DNAJC1: variants seen among roughly 807,000 people sequenced by gnomAD.
DNAJC1 encodes the protein DnaJ heat shock protein family (Hsp40) member C1.
Under a neutral mutation model 76.6 loss-of-function variants are expected in DNAJC1, and 58 were observed. That is an observed-to-expected ratio of 0.76 (90% CI 0.61 to 0.94). DNAJC1 has a LOEUF of 0.94. DNAJC1 is among the 40% of genes least tolerant of loss of function. The pLI, the probability that DNAJC1 is intolerant of heterozygous loss-of-function variation, is 0.00. For synonymous variants in DNAJC1, 258 were observed against 267.9 expected (o/e 0.96, Z 0.36); for missense variants, 689 against 677.3 (o/e 1.02, Z -0.19).
chr10:21,999,013 G>A (rs963870338), intron 1 of DNAJC1, among the ~76,000 whole-genome samples: 30 of 152,338 alleles, frequency 2.0e-4, no homozygotes, highest in Non-Finnish European at 3.5e-4. Flanking sequence ...CTGTTATTCA[G>A]ATTATAGAGC....
intron 8 of DNAJC1, among the ~76,000 whole-genome samples, chr10:21,830,655 A>T (rs1564800523): frequency 6.6e-6 from 1 of 152,194 alleles, no homozygotes; most frequent in Non-Finnish European, 1.5e-5. Context: ...CTGTCTTTTT[A>T]AAAAATTATA....
intron 8 of DNAJC1, among the ~76,000 whole-genome samples, chr10:21,827,453 T>C (rs925364231): frequency 6.6e-6 from 1 of 152,166 alleles, no homozygotes; most frequent in Non-Finnish European, 1.5e-5. Context: ...TAACAGAAAT[T>C]TATGCTGTTA....
Position 21,997,627 on chromosome 10 carries a change from T to G in DNAJC1, c.222+5586A>C, listed in dbSNP as rs927366794. On this transcript the variant is annotated intron_variant, in intron 1 of 11. Coordinates refer to ENST00000376980, the MANE Select transcript of DNAJC1 (RefSeq NM_022365.4). ...GATCAGTGGTGTTTTTTTAGGGAAGTTCCTCCCAACCATGGGGCACGGATG... is the reference window on the plus strand; with the variant it reads ...GATCAGTGGTGTTTTTTTAGGGAAGGTCCTCCCAACCATGGGGCACGGATG... Among the ~76,000 whole-genome samples the G allele has an allele frequency of 2.0e-5, 3 of 152,166 alleles. No individual in the cohort carries two copies. In the South Asian group the frequency reaches 6.2e-4, roughly 31 times the overall value.
At chr10:21,864,142 T>G (rs916588819) in intron 8 of DNAJC1, among the ~76,000 whole-genome samples, 7 of 151,946 alleles carry the variant, frequency 4.6e-5, no homozygotes, top group Non-Finnish European at 1.0e-4. Context: ...GCAGGATCAT[T>G]TGAGCCAGGA....
At chr10:21,968,547 A>G (rs1837926730) in intron 1 of DNAJC1, among the ~76,000 whole-genome samples, 2 of 150,260 alleles carry the variant, frequency 1.3e-5, no homozygotes, top group Admixed American at 6.7e-5. Context: ...TCACTCTGTC[A>G]CCCAGGCTGG....
At chr10:21,783,312 G>C (rs893138791) in intron 9 of DNAJC1, among the ~76,000 whole-genome samples, 20 of 152,176 alleles carry the variant, frequency 1.3e-4, no homozygotes, top group Non-Finnish European at 2.2e-4. Flanking sequence ...TTGCTTCAAA[G>C]AGAATAAAAT....
Position 21,859,454 on chromosome 10 carries a change from A to G in DNAJC1, c.978+22828T>C, listed in dbSNP as rs137897586. On this transcript the variant is annotated intron_variant, in intron 8 of 11. Coordinates refer to ENST00000376980, the MANE Select transcript of DNAJC1 (RefSeq NM_022365.4). ...TATCTGACACTCAAAAGATGTTAAG[A>G]ATGATGAAAATAATGATGAACATTT... 2.2e-3 allele frequency among the ~76,000 whole-genome samples: 330 copies of G among 152,342 alleles called. 1 individual carries two copies. Among genetic ancestry groups the G allele is most frequent in the African/African-American group, 7.4e-3 (307 of 41,570 alleles).
At chr10:21,794,659 A>G (rs906562593) in intron 9 of DNAJC1, among the ~76,000 whole-genome samples, 5 of 152,210 alleles carry the variant, frequency 3.3e-5, no homozygotes, top group African/African-American at 9.6e-5. Flanking sequence ...CTGGGTTAGG[A>G]AAAGTTCTTA....
At chr10:21,974,109 A>G (rs1264204634) in intron 1 of DNAJC1, among the ~76,000 whole-genome samples, 1 of 151,970 alleles carries the variant, frequency 6.6e-6, no homozygotes, top group Non-Finnish European at 1.5e-5. Flanking sequence ...TCAAAAAAAA[A>G]AAAAAGAAAA....
chr10:21,775,331 C>CTGTT (rs1834440353), intron 9 of DNAJC1, among the ~76,000 whole-genome samples: 1 of 49,668 alleles, frequency 2.0e-5, no homozygotes. Flanking sequence ...CTGCAAATGG[C>CTGTT]TTTTTTTTTT....
intron 8 of DNAJC1, among the ~76,000 whole-genome samples, chr10:21,851,980 G>C (rs1011934521): frequency 2.0e-5 from 3 of 151,908 alleles, no homozygotes; most frequent in Non-Finnish European, 4.4e-5. Flanking sequence ...GTGAACCCGG[G>C]AGGCGGAGCT....
intron 9 of DNAJC1, among the ~76,000 whole-genome samples, chr10:21,786,463 T>TAGAGAGAGAGAGAG (rs1159399044): frequency 1.7e-4 from 4 of 23,420 alleles, no homozygotes; most frequent in African/African-American, 3.0e-4. Flanking sequence ...TATATATATA[T>TAGAGAGAGAGAGAG]AGAGAGAGAG....
chr10:21,846,315 T>G (rs1835658556), intron 8 of DNAJC1, among the ~76,000 whole-genome samples: 1 of 152,176 alleles, frequency 6.6e-6, no homozygotes, highest in Non-Finnish European at 1.5e-5. Context: ...GCTACTTTAT[T>G]GGAACTCCCT....
intron 8 of DNAJC1, among the ~76,000 whole-genome samples, chr10:21,838,053 GCC>G (rs1475248633): frequency 6.7e-6 from 1 of 149,456 alleles, no homozygotes; most frequent in Non-Finnish European, 1.5e-5. Flanking sequence ...GGTGGGGGGC[GCC>G]TCTGCCTGGC....
At chr10:21,977,916 GA>G (rs1028580649) in intron 1 of DNAJC1, among the ~76,000 whole-genome samples, 4 of 151,544 alleles carry the variant, frequency 2.6e-5, no homozygotes, top group Non-Finnish European at 4.4e-5. Context: ...AGTGACAAGG[GA>G]AAAAAAATCT....
intron 3 of DNAJC1, among the ~76,000 whole-genome samples, chr10:21,927,027 C>T (rs1837139283): frequency 6.6e-6 from 1 of 152,098 alleles, no homozygotes; most frequent in African/African-American, 2.4e-5. Flanking sequence ...CTAAATAAAG[C>T]TACCTTTACA....
At chr10:21,858,664 T>A (rs938769502) in intron 8 of DNAJC1, among the ~76,000 whole-genome samples, 1 of 152,196 alleles carries the variant, frequency 6.6e-6, no homozygotes, top group Non-Finnish European at 1.5e-5. Context: ...AGGATAGTGA[T>A]TTTATTTCTT....
intron 8 of DNAJC1, among the ~76,000 whole-genome samples, chr10:21,858,989 A>G (rs987227151): frequency 3.9e-5 from 6 of 152,202 alleles, no homozygotes; most frequent in Non-Finnish European, 7.3e-5. Flanking sequence ...TAAAAAAAGT[A>G]TATCACCAAC....
At chr10:21,931,475 GTATT>G (rs1452395418) in intron 1 of DNAJC1, among the ~76,000 whole-genome samples, 1 of 152,144 alleles carries the variant, frequency 6.6e-6, no homozygotes, top group Admixed American at 6.5e-5. Context: ...ACTAGCTTAT[GTATT>G]TATTTAATAT....
Sources: gnomAD v4.1 joint callset for allele counts (sites outside exome capture counted in the v4.1 genomes callset) on GRCh38, gnomAD v4.1.1 for gene constraint, MANE v1.5 for transcripts, NCBI Gene and HGNC (gene_info 2026-07-23, HGNC 2026-07-21) for gene names.